C1QTNF2: variants seen among roughly 807,000 people sequenced by gnomAD.
The protein encoded by C1QTNF2 is complement C1q tumor necrosis factor-related protein 2.
Under a neutral mutation model 17.4 loss-of-function variants are expected in C1QTNF2, and 15 were observed. The observed-to-expected ratio is 0.86, with a 90% confidence interval of 0.58 to 1.33. The LOEUF (loss-of-function observed/expected upper bound fraction) is 1.33, where lower values mean the gene tolerates loss of function less well. Among genes scored for constraint, C1QTNF2 ranks in the 40% most tolerant of loss-of-function variants. The pLI is 0.00. For synonymous variants in C1QTNF2, 154 were observed against 163.3 expected (o/e 0.94, Z 0.44); for missense variants, 381 against 392.3 (o/e 0.97, Z 0.24).
At position 160,354,757 on chromosome 5, in the gene C1QTNF2, A is replaced by C; in HGVS notation, c.244+11T>G. The C allele has an allele frequency of 6.2e-7, 1 of 1,613,564 alleles. No homozygotes were observed. The highest frequency in any genetic ancestry group is 1.7e-5 in the Admixed American group (1 of 59,988). ...AGGTGGGAACGAGAGTGGCACGTAT[A>C]GGCCTCTTACCTTCCTCTCCGCTGT... On this transcript the variant is annotated intron_variant, in intron 2 of 2. Transcript: ENST00000652664.
rs1326071552 is a variant in C1QTNF2 at position 160,348,346 on chromosome 5, G to GA, written c.*821dup. The GA allele has an allele frequency of 1.3e-5, 2 of 152,226 alleles. No homozygotes were observed. The highest frequency in any genetic ancestry group is 2.9e-5 in the Non-Finnish European group (2 of 68,060). The allele number at this position is 152,226 out of a possible 1,614,324, so 9.4% of individuals were successfully genotyped here. A position where few individuals can be genotyped will look rare whatever the true frequency, so the allele number is the denominator to read the frequency against. On this transcript the variant is annotated 3_prime_UTR_variant, in exon 3 of 3. Transcript: ENST00000652664. ...ACTTTGTATTCTGATAAGCCTTCGT[G>GA]AATGGAACGAGCTCTGCCATGGCCT...
chr5:160,356,199 G>A (rs1428066050), intron 1 of C1QTNF2, among the ~76,000 whole-genome samples: 1 of 152,212 alleles, frequency 6.6e-6, no homozygotes, highest in Non-Finnish European at 1.5e-5. Context: ...TCTCTCTCAA[G>A]AATGAAACCA....
In C1QTNF2 at chr5:160,348,372, G is replaced by A. The variant is rs945491574; in HGVS notation, c.*796C>T. 6.6e-6 allele frequency: 1 copy of A among 152,208 alleles called. No individual in the cohort carries two copies. Among genetic ancestry groups the A allele is most frequent in the African/African-American group, 2.4e-5 (1 of 41,432 alleles). 9.4% of individuals were successfully genotyped at this position (152,208 alleles called of 1,614,324 possible). On this transcript the variant is annotated 3_prime_UTR_variant, in exon 3 of 3. Coordinates refer to ENST00000652664, the MANE Select transcript of C1QTNF2 (RefSeq NM_031908.6). ...AATGGAACGAGCTCTGCCATGGCCT[G>A]GGACATTCTGTATTATCTTCCAGCC...
chr5:160,365,896 A>G (rs756853368), intron 1 of C1QTNF2, among the ~76,000 whole-genome samples: 2 of 152,252 alleles, frequency 1.3e-5, no homozygotes, highest in Non-Finnish European at 2.9e-5. Flanking sequence ...ACATAACAGC[A>G]CTGTCCTAAC....
intron 1 of C1QTNF2, among the ~76,000 whole-genome samples, chr5:160,362,165 G>A (rs187927345): frequency 3.3e-5 from 5 of 152,308 alleles, no homozygotes; most frequent in Admixed American, 1.3e-4. Context: ...TATATAGACC[G>A]ATAAGACCCT....
chr5:160,368,273 C>G (rs762389890), intron 1 of C1QTNF2, among the ~76,000 whole-genome samples: 1 of 152,144 alleles, frequency 6.6e-6, no homozygotes, highest in East Asian at 1.9e-4. Flanking sequence ...GTGGCTCATG[C>G]CTGTAATCCC....
chr5:160,355,770 T>C (rs1187425087), intron 1 of C1QTNF2, among the ~76,000 whole-genome samples: 1 of 152,060 alleles, frequency 6.6e-6, no homozygotes, highest in Non-Finnish European at 1.5e-5. Context: ...CAACACAAGT[T>C]TTGTAAACTT....
chr5:160,351,541 T>C (rs1763922390), intron 2 of C1QTNF2, among the ~76,000 whole-genome samples: 1 of 152,236 alleles, frequency 6.6e-6, no homozygotes, highest in South Asian at 2.1e-4. Context: ...ATTTTGTTAC[T>C]GAACACTTGA....
intron 1 of C1QTNF2, among the ~76,000 whole-genome samples, chr5:160,366,863 A>G (rs1166792468): frequency 6.6e-6 from 1 of 151,988 alleles, no homozygotes; most frequent in African/African-American, 2.4e-5. Context: ...ATCTCTACAA[A>G]AACTACAAAA....
intron 2 of C1QTNF2, among the ~76,000 whole-genome samples, chr5:160,354,056 C>T (rs768523980): frequency 2.4e-4 from 37 of 151,968 alleles, no homozygotes; most frequent in African/African-American, 6.0e-4. Flanking sequence ...CTGTCCACCT[C>T]GGCCTCCCAA....
At chr5:160,364,361 T>C (rs758811171) in intron 1 of C1QTNF2, among the ~76,000 whole-genome samples, 3 of 152,186 alleles carry the variant, frequency 2.0e-5, no homozygotes, top group African/African-American at 4.8e-5. Flanking sequence ...CTCTCCAACA[T>C]GAACACGATA....
chr5:160,349,068 C>T lies in C1QTNF2; in HGVS notation c.*100G>A, dbSNP rs1366941721. The T allele has an allele frequency of 2.1e-6, 3 of 1,452,448 alleles. No homozygotes were observed. The highest frequency in any genetic ancestry group is 2.8e-6 in the Non-Finnish European group (3 of 1,080,364). 90.0% of individuals were successfully genotyped at this position (1,452,448 alleles called of 1,614,324 possible). Reference sequence around the variant, plus strand: ...GGAGGTGAGCCTGAGGCTAGAACCGCTCACTCGACCCCCCACCCCCAGCCT... The same window carrying T: ...GGAGGTGAGCCTGAGGCTAGAACCGTTCACTCGACCCCCCACCCCCAGCCT... On this transcript the variant is annotated 3_prime_UTR_variant, in exon 3 of 3. Transcript: ENST00000652664. The surrounding 1 kb of genome is among the most constrained non-coding windows in gnomAD (Gnocchi z 4.3).
chr5:160,363,445 C>T (rs1444455161), intron 1 of C1QTNF2, among the ~76,000 whole-genome samples: 1 of 152,192 alleles, frequency 6.6e-6, no homozygotes, highest in Non-Finnish European at 1.5e-5. Context: ...AATATTTGAT[C>T]TGCTATTTTC....
intron 2 of C1QTNF2, among the ~76,000 whole-genome samples, chr5:160,352,980 G>A (rs550336328): frequency 5.9e-5 from 9 of 152,248 alleles, no homozygotes; most frequent in South Asian, 2.1e-4. Flanking sequence ...TGTGAGACAG[G>A]TGCTATTATT....
At chr5:160,357,351 A>G (rs77803023) in intron 1 of C1QTNF2, among the ~76,000 whole-genome samples, 1 of 152,192 alleles carries the variant, frequency 6.6e-6, no homozygotes. Context: ...AAAAATAAGG[A>G]TGCAGTTTGA....
Position 160,348,900 on chromosome 5 carries a change from T to C in C1QTNF2, c.*268A>G, listed in dbSNP as rs921943467. ...AGAATGTAAGCTGCATGAGGACAGA[T>C]ACTCTGTCTTGTCCACTGCTGCATC... On this transcript the variant is annotated 3_prime_UTR_variant, in exon 3 of 3. Coordinates refer to ENST00000652664, the MANE Select transcript of C1QTNF2 (RefSeq NM_031908.6). 3 of 412,376 alleles carry C rather than the reference T, an allele frequency of 7.3e-6. No homozygotes were observed. Among genetic ancestry groups the C allele is most frequent in the East Asian group, 3.8e-5 (1 of 26,642 alleles). 25.5% of individuals were successfully genotyped at this position (412,376 alleles called of 1,614,324 possible). A position where few individuals can be genotyped will look rare whatever the true frequency, so the allele number is the denominator to read the frequency against.
At position 160,348,897 on chromosome 5, in the gene C1QTNF2, A is replaced by T; in HGVS notation, c.*271T>A. On this transcript the variant is annotated 3_prime_UTR_variant, in exon 3 of 3. Coordinates refer to ENST00000652664, the MANE Select transcript of C1QTNF2 (RefSeq NM_031908.6). ...GCTAGAATGTAAGCTGCATGAGGAC[A>T]GATACTCTGTCTTGTCCACTGCTGC... 2.5e-6 allele frequency: 1 copy of T among 406,256 alleles called. No homozygotes were observed. Among genetic ancestry groups the T allele is most frequent in the Non-Finnish European group, 4.4e-6 (1 of 228,984 alleles). 25.2% of individuals were successfully genotyped at this position (406,256 alleles called of 1,614,324 possible). A position where few individuals can be genotyped will look rare whatever the true frequency, so the allele number is the denominator to read the frequency against.
At chr5:160,360,795 T>TC (rs1764139568) in intron 1 of C1QTNF2, among the ~76,000 whole-genome samples, 1 of 149,564 alleles carries the variant, frequency 6.7e-6, no homozygotes, top group African/African-American at 2.5e-5. Flanking sequence ...TTGGATGAGT[T>TC]CTTTTTTTTT....
rs539575499 is a variant in C1QTNF2 at position 160,360,725 on chromosome 5, T to A, written c.-9-5705A>T. On this transcript the variant is annotated intron_variant, in intron 1 of 2. Coordinates refer to ENST00000652664, the MANE Select transcript of C1QTNF2 (RefSeq NM_031908.6). ...GAAGCCTTCATTAGAGCCTTCCTAC[T>A]AAAGGGATAAAAAATATTAGTTGGT... Among the ~76,000 whole-genome samples the A allele has an allele frequency of 2.8e-4, 42 of 152,148 alleles. 3 individuals are homozygous for A. The South Asian group carries it at 8.5e-3, about 31-fold the overall frequency.
Sources: allele counts gnomAD v4.1 joint callset (sites outside exome capture counted in the v4.1 genomes callset), GRCh38; gene constraint gnomAD v4.1.1; non-coding constraint Gnocchi (gnomAD v3.1); transcripts MANE v1.5; gene names NCBI Gene and HGNC (gene_info 2026-07-23, HGNC 2026-07-21).